The following CNTN5 variants were observed in gnomAD, a reference collection of about 807,000 sequenced individuals.
CNTN5 encodes the protein contactin 5.
CNTN5 carries 77 observed loss-of-function variants against 129.1 expected under a neutral mutation model. The ratio of observed to expected loss-of-function variants is 0.60; its 90% confidence interval spans 0.50 to 0.72. The LOEUF (loss-of-function observed/expected upper bound fraction) is 0.72, where lower values mean the gene tolerates loss of function less well. Among genes scored for constraint, CNTN5 ranks in the 30% least tolerant of loss-of-function variants. The probability of loss-of-function intolerance (pLI) is 0.00; values close to 1 mark genes in which losing one functional copy is unlikely to be tolerated. For synonymous variants in CNTN5, 509 were observed against 465.6 expected (o/e 1.09, Z -1.20); for missense variants, 1,478 against 1,328.8 (o/e 1.11, Z -1.75).
intron 21 of CNTN5, among the ~76,000 whole-genome samples, chr11:100,315,786 C>A (rs561269786): frequency 8.5e-5 from 13 of 152,144 alleles, no homozygotes; most frequent in African/African-American, 2.9e-4. Context: ...TTAGAACCAC[C>A]CATTTGTAAA....
chr11:100,126,727 G>C lies in CNTN5; in HGVS notation c.1580+52433G>C, dbSNP rs532925671. ...CAGAGGAAAAATGGGTCTTGTTTTT[G>C]TATACAACTTGCCATTGTAAGTCTT... On this transcript the variant is annotated intron_variant, in intron 13 of 24. Coordinates refer to ENST00000524871, the MANE Select transcript of CNTN5 (RefSeq NM_014361.4). Among the ~76,000 whole-genome samples, 17 of 152,152 alleles carry C rather than the reference G, an allele frequency of 1.1e-4. No homozygotes were observed. The South Asian group carries it at 3.1e-3, about 28-fold the overall frequency.
intron 3 of CNTN5, among the ~76,000 whole-genome samples, chr11:99,696,062 A>T (rs1954256923): frequency 6.6e-6 from 1 of 152,110 alleles, no homozygotes; most frequent in South Asian, 2.1e-4. Context: ...TAGTTTTCTC[A>T]CTACCTCATA....
At chr11:99,522,699 G>T (rs1434250377) in intron 2 of CNTN5, among the ~76,000 whole-genome samples, 1 of 152,062 alleles carries the variant, frequency 6.6e-6, no homozygotes, top group Non-Finnish European at 1.5e-5. Flanking sequence ...GATTAATATA[G>T]TAGGAATGAA....
intron 1 of CNTN5, among the ~76,000 whole-genome samples, chr11:99,279,930 G>C (rs1863617401): frequency 6.6e-6 from 1 of 151,400 alleles, no homozygotes; most frequent in Non-Finnish European, 1.5e-5. Flanking sequence ...TGGGGAAAGA[G>C]GGGGAGACAC....
At chr11:99,677,906 A>G (rs1953363590) in intron 3 of CNTN5, among the ~76,000 whole-genome samples, 1 of 152,108 alleles carries the variant, frequency 6.6e-6, no homozygotes, top group Non-Finnish European at 1.5e-5. Context: ...ACACCTTTTC[A>G]TTACCGCTTT....
intron 3 of CNTN5, among the ~76,000 whole-genome samples, chr11:99,580,405 G>A (rs1348929798): frequency 6.6e-6 from 1 of 152,142 alleles, no homozygotes; most frequent in Non-Finnish European, 1.5e-5. Context: ...AGAAGGAATG[G>A]TACCAGCTCT....
intron 1 of CNTN5, among the ~76,000 whole-genome samples, chr11:99,057,629 A>C (rs943828231): frequency 2.0e-5 from 3 of 152,064 alleles, no homozygotes; most frequent in Admixed American, 6.6e-5. Flanking sequence ...ATTCAATAAA[A>C]ATTAGAGTGC....
At chr11:99,689,564 C>A in intron 3 of CNTN5, among the ~76,000 whole-genome samples, 1 of 134,844 alleles carries the variant, frequency 7.4e-6, no homozygotes, top group Non-Finnish European at 1.6e-5. Flanking sequence ...GCATTCCTTT[C>A]TCTCCACAAC....
At chr11:99,442,183 T>C (rs891894508) in intron 2 of CNTN5, among the ~76,000 whole-genome samples, 1 of 152,036 alleles carries the variant, frequency 6.6e-6, no homozygotes, top group Non-Finnish European at 1.5e-5. Context: ...TATATATATT[T>C]TTTTTTTAAG....
intron 1 of CNTN5, among the ~76,000 whole-genome samples, chr11:99,069,613 A>G (rs1865251265): frequency 6.6e-6 from 1 of 152,138 alleles, no homozygotes; most frequent in Non-Finnish European, 1.5e-5. Flanking sequence ...TGTTTTATGT[A>G]TTCATTCTCA....
chr11:99,889,555 G>C (rs1186648116), intron 6 of CNTN5, among the ~76,000 whole-genome samples: 1 of 132,790 alleles, frequency 7.5e-6, no homozygotes, highest in African/African-American at 2.9e-5. Flanking sequence ...TTTCTTTTGA[G>C]ATTGAGTTTC....
chr11:100,320,183 C>T (rs1250250098), intron 21 of CNTN5, among the ~76,000 whole-genome samples: 4 of 151,938 alleles, frequency 2.6e-5, no homozygotes, highest in Non-Finnish European at 5.9e-5. Flanking sequence ...CAATGGAGTG[C>T]AAGGGTTCCC....
intron 2 of CNTN5, among the ~76,000 whole-genome samples, chr11:99,449,904 A>G (rs2135186324): frequency 6.6e-6 from 1 of 152,288 alleles, no homozygotes; most frequent in South Asian, 2.1e-4. Context: ...ATGGTCATGG[A>G]TGTATTTTTT....
chr11:100,338,085 A>T (rs1166942295), intron 21 of CNTN5, among the ~76,000 whole-genome samples: 1 of 152,234 alleles, frequency 6.6e-6, no homozygotes, highest in African/African-American at 2.4e-5. Context: ...GTAATTTAAC[A>T]TTTATAAAAA....
chr11:100,038,967 C>T lies in CNTN5; in HGVS notation c.981-22245C>T, dbSNP rs183265421. Among the ~76,000 whole-genome samples the T allele has an allele frequency of 8.1e-3, 1,240 of 152,242 alleles. 12 individuals carry two copies. Among genetic ancestry groups the T allele is most frequent in the African/African-American group, 0.025 (1,050 of 41,536 alleles). ...TTAATTGGAGCATTTAGCCCATTTA[C>T]ATTTAAGGTTAATATTGTTATGTGT... On this transcript the variant is annotated intron_variant, in intron 9 of 24. Transcript: ENST00000524871.
intron 13 of CNTN5, among the ~76,000 whole-genome samples, chr11:100,121,525 G>C (rs1344731229): frequency 6.6e-6 from 1 of 151,968 alleles, no homozygotes; most frequent in African/African-American, 2.4e-5. Flanking sequence ...GAGGGCAATT[G>C]TTCCTCTCCT....
intron 3 of CNTN5, among the ~76,000 whole-genome samples, chr11:99,627,260 T>C (rs113061864): frequency 1.3e-5 from 2 of 152,250 alleles, no homozygotes; most frequent in African/African-American, 4.8e-5. Context: ...CCAACAGTTT[T>C]TAAAGCCTCT....
intron 8 of CNTN5, among the ~76,000 whole-genome samples, chr11:99,972,359 G>A (rs776933120): frequency 2.6e-5 from 4 of 152,114 alleles, no homozygotes; most frequent in Non-Finnish European, 5.9e-5. Context: ...CTAGAAAGCA[G>A]CCTTTTTTCA....
At chr11:100,155,751 T>A (rs982596963) in intron 13 of CNTN5, among the ~76,000 whole-genome samples, 1 of 150,640 alleles carries the variant, frequency 6.6e-6, no homozygotes, top group Non-Finnish European at 1.5e-5. Flanking sequence ...TAAGTTGTAT[T>A]CCTAGGTATT....
Sources: gnomAD v4.1 joint callset for allele counts (sites outside exome capture counted in the v4.1 genomes callset) on GRCh38, gnomAD v4.1.1 for gene constraint, MANE v1.5 for transcripts, NCBI Gene and HGNC (gene_info 2026-07-23, HGNC 2026-07-21) for gene names.